XKR4: variants seen among roughly 807,000 people sequenced by gnomAD.
XKR4 encodes the protein XK-related protein 4.
A neutral mutation model predicts 53.9 loss-of-function variants in XKR4; 12 were observed. The ratio of observed to expected loss-of-function variants is 0.22; its 90% CI spans 0.14 to 0.36. The LOEUF (loss-of-function observed/expected upper bound fraction) is 0.36, where lower values mean the gene tolerates loss of function less well. Among genes scored for constraint, XKR4 ranks in the 10% least tolerant of loss-of-function variants. XKR4 has a pLI of 1.00. For synonymous variants in XKR4, 354 were observed against 362.4 expected (o/e 0.98, Z 0.26); for missense variants, 799 against 859.5 (o/e 0.93, Z 0.88).
chr8:55,327,939 T>C (rs1276281168), intron 1 of XKR4, among the ~76,000 whole-genome samples: 1 of 152,200 alleles, frequency 6.6e-6, no homozygotes, highest in Admixed American at 6.5e-5. Flanking sequence ...AATGCTAGTA[T>C]CTAGTGGTGA....
chr8:55,201,512 ATGTC>A (rs1323860907), intron 1 of XKR4, among the ~76,000 whole-genome samples: 2 of 152,216 alleles, frequency 1.3e-5, no homozygotes, highest in African/African-American at 4.8e-5. Flanking sequence ...GACCCAGAGA[ATGTC>A]TGGAATTCAT....
intron 2 of XKR4, among the ~76,000 whole-genome samples, chr8:55,446,245 A>G (rs1245534351): frequency 6.6e-6 from 1 of 152,214 alleles, no homozygotes; most frequent in African/African-American, 2.4e-5. Context: ...GCTTTTATCC[A>G]CATGTTACAA....
At chr8:55,422,230 T>G (rs971222453) in intron 2 of XKR4, among the ~76,000 whole-genome samples, 2 of 152,206 alleles carry the variant, frequency 1.3e-5, no homozygotes. Flanking sequence ...AGGAATTCTA[T>G]GCTAAAAGAT....
At chr8:55,105,068 T>C (rs938884592) in intron 1 of XKR4, among the ~76,000 whole-genome samples, 2 of 152,218 alleles carry the variant, frequency 1.3e-5, no homozygotes, top group East Asian at 3.8e-4. Context: ...CAAATACTTC[T>C]CTATCCTGTT....
chr8:55,256,629 T>C (rs1220580925), intron 1 of XKR4, among the ~76,000 whole-genome samples: 1 of 152,150 alleles, frequency 6.6e-6, no homozygotes. Flanking sequence ...AGAATGCTGA[T>C]GGAGGAATGG....
rs1200062325 is a variant in XKR4 at position 55,533,692 on chromosome 8, T to C, written c.*9465T>C. 1 of 152,234 alleles carries C rather than the reference T, an allele frequency of 6.6e-6. No individual in the cohort carries two copies. Among genetic ancestry groups the C allele is most frequent in the Non-Finnish European group, 1.5e-5 (1 of 68,040 alleles). The allele number at this position is 152,234 out of a possible 1,614,324, so 9.4% of individuals were successfully genotyped here. ...TTGTCAAGCTTTACTGGAGGTGATT[T>C]GCAGTTAATTAATTCAACAGACACT... On this transcript the variant is annotated 3_prime_UTR_variant, in exon 3 of 3. Transcript: ENST00000327381.
intron 2 of XKR4, among the ~76,000 whole-genome samples, chr8:55,426,923 C>A (rs1266309245): frequency 1.3e-5 from 2 of 152,148 alleles, no homozygotes; most frequent in African/African-American, 4.8e-5. Context: ...TCTGTAAATT[C>A]ATAGATGATG....
intron 1 of XKR4, among the ~76,000 whole-genome samples, chr8:55,152,624 G>T (rs1011227482): frequency 6.6e-6 from 1 of 152,042 alleles, no homozygotes; most frequent in East Asian, 1.9e-4. Flanking sequence ...TCTAGCAATG[G>T]TACTCATCCA....
At chr8:55,137,384 C>A (rs1324572539) in intron 1 of XKR4, among the ~76,000 whole-genome samples, 1 of 152,070 alleles carries the variant, frequency 6.6e-6, no homozygotes, top group Non-Finnish European at 1.5e-5. Context: ...ATATTGAGCA[C>A]CTGCTGTGAT....
intron 2 of XKR4, among the ~76,000 whole-genome samples, chr8:55,370,522 C>T (rs1411421765): frequency 6.6e-6 from 1 of 152,084 alleles, no homozygotes; most frequent in East Asian, 1.9e-4. Flanking sequence ...TTGATTTGAA[C>T]CAAAATTATA....
At chr8:55,132,260 G>T (rs1816566054) in intron 1 of XKR4, among the ~76,000 whole-genome samples, 1 of 152,138 alleles carries the variant, frequency 6.6e-6, no homozygotes, top group South Asian at 2.1e-4. Context: ...AAGTTAAGGG[G>T]CCTGCCCACT....
intron 2 of XKR4, among the ~76,000 whole-genome samples, chr8:55,443,748 A>G (rs111227713): frequency 0.16 from 24,606 of 149,610 alleles, 2,404 homozygotes; most frequent in East Asian, 0.41. Flanking sequence ...GACTGAGGCA[A>G]GGGAATCACT....
chr8:55,343,878 T>C (rs995324083), intron 1 of XKR4, among the ~76,000 whole-genome samples: 2 of 152,170 alleles, frequency 1.3e-5, no homozygotes, highest in Non-Finnish European at 2.9e-5. Context: ...AATGAGACAA[T>C]AATGTGCACA....
At chr8:55,341,009 GCA>G (rs1803536844) in intron 1 of XKR4, among the ~76,000 whole-genome samples, 1 of 152,164 alleles carries the variant, frequency 6.6e-6, no homozygotes, top group Non-Finnish European at 1.5e-5. Flanking sequence ...GGGTGTTTGA[GCA>G]TGGAACTCAT....
intron 2 of XKR4, among the ~76,000 whole-genome samples, chr8:55,420,616 C>T (rs1207043139): frequency 1.6e-5 from 2 of 128,710 alleles, no homozygotes; most frequent in African/African-American, 3.1e-5. Context: ...AGGGGAACAT[C>T]GCACTCCGGG....
chr8:55,514,768 C>A (rs190484196), intron 2 of XKR4, among the ~76,000 whole-genome samples: 1 of 152,210 alleles, frequency 6.6e-6, no homozygotes, highest in African/African-American at 2.4e-5. Context: ...TTGGGCATCT[C>A]AGGTTACTTA....
chr8:55,468,366 C>A (rs1300026695), intron 2 of XKR4, among the ~76,000 whole-genome samples: 2 of 152,084 alleles, frequency 1.3e-5, no homozygotes, highest in Non-Finnish European at 2.9e-5. Flanking sequence ...TGAAAACAGA[C>A]AGAAGTATGA....
At chr8:55,276,356 A>G (rs1339065020) in intron 1 of XKR4, among the ~76,000 whole-genome samples, 1 of 152,228 alleles carries the variant, frequency 6.6e-6, no homozygotes, top group Non-Finnish European at 1.5e-5. Flanking sequence ...AATTATTCCA[A>G]TGATCTGACA....
intron 1 of XKR4, among the ~76,000 whole-genome samples, chr8:55,216,498 C>T (rs1038993363): frequency 9.2e-5 from 14 of 152,240 alleles, no homozygotes; most frequent in South Asian, 2.1e-4. Context: ...GAGGCCAAGG[C>T]GGGCTGATCA....
Sources: allele counts gnomAD v4.1 joint callset (sites outside exome capture counted in the v4.1 genomes callset), GRCh38; gene constraint gnomAD v4.1.1; transcripts MANE v1.5; gene names NCBI Gene and HGNC (gene_info 2026-07-23, HGNC 2026-07-21).